TSPAN9: variants seen among roughly 807,000 people sequenced by gnomAD.
The protein encoded by TSPAN9 is tetraspanin 9.
In TSPAN9, 16 loss-of-function variants were observed where a neutral mutation model predicts 31.0. The observed-to-expected ratio is 0.52, with a 90% CI of 0.35 to 0.78. The LOEUF is 0.78. Among genes scored for constraint, TSPAN9 ranks in the 30% least tolerant of loss-of-function variants. The pLI is 0.01. For synonymous variants in TSPAN9, 145 were observed against 121.6 expected (o/e 1.19, Z -1.27); for missense variants, 272 against 312.5 (o/e 0.87, Z 0.98).
chr12:3,186,037 G>C (rs1185325755), intron 2 of TSPAN9, among the ~76,000 whole-genome samples: 1 of 152,174 alleles, frequency 6.6e-6, no homozygotes, highest in African/African-American at 2.4e-5. Flanking sequence ...GCTAAATGAA[G>C]TGCGAAGGTG....
intron 3 of TSPAN9, among the ~76,000 whole-genome samples, chr12:3,271,628 C>T (rs1160734729): frequency 6.6e-6 from 1 of 152,058 alleles, no homozygotes; most frequent in Non-Finnish European, 1.5e-5. Flanking sequence ...TGCATCCCAC[C>T]CCATGGTTCC....
chr12:3,255,559 T>C (rs1237782522), intron 3 of TSPAN9, among the ~76,000 whole-genome samples: 3 of 152,270 alleles, frequency 2.0e-5, no homozygotes, highest in African/African-American at 7.2e-5. Flanking sequence ...TGTAAGCTGG[T>C]GTGGGGAGGA....
chr12:3,147,487 A>C lies in TSPAN9; in HGVS notation c.-17-53690A>C, dbSNP rs950013545. 6.6e-6 allele frequency among the ~76,000 whole-genome samples: 1 copy of C among 151,804 alleles called. No homozygotes were observed. Among genetic ancestry groups the C allele is most frequent in the Non-Finnish European group, 1.5e-5 (1 of 68,012 alleles). Reference sequence around the variant, plus strand: ...GGAAGTGGCCTCTCCCTCCTTCAGGATCGCCCCCACCTTCCCTGCCCACTT... The same window carrying C: ...GGAAGTGGCCTCTCCCTCCTTCAGGCTCGCCCCCACCTTCCCTGCCCACTT... On this transcript the variant is annotated intron_variant, in intron 2 of 8. Transcript: ENST00000011898. The surrounding 1 kb of genome is among the most constrained non-coding windows in gnomAD (Gnocchi z 4.3).
intron 3 of TSPAN9, among the ~76,000 whole-genome samples, chr12:3,246,621 G>C (rs140952729): frequency 6.6e-6 from 1 of 152,204 alleles, no homozygotes; most frequent in Non-Finnish European, 1.5e-5. Context: ...TTCCAAACCC[G>C]TGTTCTCTGG....
intron 2 of TSPAN9, among the ~76,000 whole-genome samples, chr12:3,186,894 G>A (rs1414551402): frequency 6.6e-6 from 1 of 152,158 alleles, no homozygotes; most frequent in African/African-American, 2.4e-5. Flanking sequence ...TTGGAGGGAG[G>A]GAGATGGGTT....
intron 2 of TSPAN9, among the ~76,000 whole-genome samples, chr12:3,105,774 A>ACACACGTG (rs1555141406): frequency 7.3e-6 from 1 of 136,980 alleles, no homozygotes; most frequent in East Asian, 2.1e-4. Context: ...ACGCGCACGC[A>ACACACGTG]CACACGCTCA....
chr12:3,201,289 T>A lies in TSPAN9; in HGVS notation c.63+33T>A, dbSNP rs1382285397. 1.6e-5 allele frequency: 26 copies of A among 1,598,668 alleles called. No individual in the cohort carries two copies. In the Admixed American group the frequency reaches 4.3e-4, roughly 27 times the overall value. On this transcript the variant is annotated intron_variant, in intron 3 of 8. Transcript: ENST00000011898. ...CTTCCGTTTCTCTCTCCCTTCGCCCTCTTCTCCTCCTCTTGGCTTACCATA... is the reference window on the plus strand; with the variant it reads ...CTTCCGTTTCTCTCTCCCTTCGCCCACTTCTCCTCCTCTTGGCTTACCATA...
intron 1 of TSPAN9, among the ~76,000 whole-genome samples, chr12:3,080,255 C>G (rs1267112432): frequency 6.6e-6 from 1 of 152,166 alleles, no homozygotes; most frequent in Non-Finnish European, 1.5e-5. Context: ...TATTGGCAGC[C>G]ACTCAATCAA....
At chr12:3,095,158 T>C (rs139029167) in intron 2 of TSPAN9, among the ~76,000 whole-genome samples, 4,836 of 91,798 alleles carry the variant, frequency 0.053, 157 homozygotes, top group Middle Eastern at 0.2. Context: ...GTGGACACAG[T>C]ACATGTTTCA....
At chr12:3,127,268 A>G (rs79378600) in intron 2 of TSPAN9, among the ~76,000 whole-genome samples, 16,930 of 151,986 alleles carry the variant, frequency 0.11, 1,339 homozygotes, top group Middle Eastern at 0.2. Flanking sequence ...GGGGCAATAC[A>G]TAACGGAGCT....
chr12:3,099,060 T>TATAA (rs796271930), intron 2 of TSPAN9, among the ~76,000 whole-genome samples: 46 of 152,324 alleles, frequency 3.0e-4, no homozygotes, highest in African/African-American at 1.1e-3. Context: ...GCCTATTTTA[T>TATAA]CTCTTAACTG....
At chr12:3,245,114 C>T (rs919406227) in intron 3 of TSPAN9, among the ~76,000 whole-genome samples, 1 of 152,230 alleles carries the variant, frequency 6.6e-6, no homozygotes, top group African/African-American at 2.4e-5. Context: ...TCCTCTCCAG[C>T]CCAGGCAGGT....
intron 2 of TSPAN9, among the ~76,000 whole-genome samples, chr12:3,153,880 GTA>G (rs1351484564): frequency 3.3e-5 from 5 of 151,292 alleles, no homozygotes; most frequent in African/African-American, 1.2e-4. Context: ...GTCTGTGGAT[GTA>G]TCTCTGTCTG....
At chr12:3,188,832 C>G (rs1355416630) in intron 2 of TSPAN9, among the ~76,000 whole-genome samples, 1 of 152,072 alleles carries the variant, frequency 6.6e-6, no homozygotes, top group Non-Finnish European at 1.5e-5. Context: ...GAATACCTCC[C>G]AGATAGGCCG....
At chr12:3,153,103 C>T (rs1185866935) in intron 2 of TSPAN9, among the ~76,000 whole-genome samples, 1 of 152,142 alleles carries the variant, frequency 6.6e-6, no homozygotes, top group Non-Finnish European at 1.5e-5. Context: ...GCAGGCCTTC[C>T]TTGAAGCCCT....
At chr12:3,130,641 C>T (rs7312594) in intron 2 of TSPAN9, among the ~76,000 whole-genome samples, 76,649 of 152,004 alleles carry the variant, frequency 0.5, 21,760 homozygotes, top group Admixed American at 0.61. Context: ...GAACCTCTTT[C>T]GGCTTCTGCT....
At position 3,147,545 on chromosome 12, in the gene TSPAN9, C is replaced by T. The variant is rs7980107; in HGVS notation, c.-17-53632C>T. ...CAGTTTGAGCCACCTAGGGCCTGTT[C>T]TGCCCCCGAAGAGAGAGAACCAGCC... On this transcript the variant is annotated intron_variant, in intron 2 of 8. Transcript: ENST00000011898. The surrounding 1 kb of genome is among the most constrained non-coding windows in gnomAD (Gnocchi z 4.3). Among the ~76,000 whole-genome samples, 25,734 of 152,022 alleles carry T rather than the reference C, an allele frequency of 0.17. 2,425 individuals carry two copies. The highest frequency in any genetic ancestry group is 0.22 in the Non-Finnish European group (15,147 of 67,968).
intron 3 of TSPAN9, among the ~76,000 whole-genome samples, chr12:3,209,033 G>A (rs1338026781): frequency 2.0e-5 from 3 of 152,106 alleles, no homozygotes; most frequent in African/African-American, 4.8e-5. Context: ...TCAGGAGTCC[G>A]AGACCAGCCT....
chr12:3,241,490 G>A (rs1031456217), intron 3 of TSPAN9, among the ~76,000 whole-genome samples: 1 of 152,194 alleles, frequency 6.6e-6, no homozygotes, highest in African/African-American at 2.4e-5. Context: ...TATATGGTAT[G>A]CTCCTAATTT....
Sources: allele counts gnomAD v4.1 joint callset (sites outside exome capture counted in the v4.1 genomes callset), GRCh38; gene constraint gnomAD v4.1.1; non-coding constraint Gnocchi (gnomAD v3.1); transcripts MANE v1.5; gene names NCBI Gene and HGNC (gene_info 2026-07-23, HGNC 2026-07-21).